BMAL2: variants seen among roughly 807,000 people sequenced by gnomAD.
The protein encoded by BMAL2 is basic helix-loop-helix ARNT-like protein 2.
chr12:27,348,293 T>C, the BMAL2 span, among the ~76,000 whole-genome samples: 3 of 152,332 alleles, frequency 2.0e-5, no homozygotes, highest in South Asian at 6.2e-4. Flanking sequence ...TTCAACATGA[T>C]AGCTTGGTTT....
chr12:27,383,142 A>T, the BMAL2 span, among the ~76,000 whole-genome samples: 3 of 152,178 alleles, frequency 2.0e-5, no homozygotes, highest in Admixed American at 1.3e-4. Context: ...TTGTGGTTCA[A>T]ATCCTGGCTT....
At chr12:27,424,158 A>C in the BMAL2 span, 2 of 152,190 alleles carry the variant, frequency 1.3e-5, no homozygotes, top group African/African-American at 4.8e-5. Context: ...CTCAGATTAT[A>C]TTTCTATTGG....
the BMAL2 span, among the ~76,000 whole-genome samples, chr12:27,401,972 G>A: frequency 2.0e-5 from 3 of 152,130 alleles, no homozygotes; most frequent in Admixed American, 6.5e-5. Flanking sequence ...CAATGCAGAC[G>A]TGGATTTCTA....
At chr12:27,340,294 G>C in the BMAL2 span, among the ~76,000 whole-genome samples, 1 of 152,144 alleles carries the variant, frequency 6.6e-6, no homozygotes, top group African/African-American at 2.4e-5. Flanking sequence ...ATAAGGAAGG[G>C]GTTCAGTTTC....
the BMAL2 span, chr12:27,390,370 AT>A: frequency 9.1e-7 from 1 of 1,100,894 alleles, no homozygotes. Context: ...TAAAAATAAG[AT>A]TTTTTTAAAC....
the BMAL2 span, chr12:27,377,577 T>C: frequency 6.6e-6 from 1 of 152,164 alleles, no homozygotes; most frequent in Non-Finnish European, 1.5e-5. Context: ...AACTACAATA[T>C]TCTTTTAATC....
At chr12:27,407,705 C>A in the BMAL2 span, among the ~76,000 whole-genome samples, 1 of 152,028 alleles carries the variant, frequency 6.6e-6, no homozygotes, top group African/African-American at 2.4e-5. Flanking sequence ...AGAGCAAACA[C>A]ATTCAAAAGC....
chr12:27,384,143 C>T, the BMAL2 span, among the ~76,000 whole-genome samples: 1,623 of 152,262 alleles, frequency 0.011, 29 homozygotes, highest in African/African-American at 0.037. Context: ...CATCCTTGCC[C>T]TGGGGATGGC....
At chr12:27,375,967 A>G in the BMAL2 span, among the ~76,000 whole-genome samples, 2 of 152,238 alleles carry the variant, frequency 1.3e-5, no homozygotes, top group Non-Finnish European at 2.9e-5. Flanking sequence ...TAATACAGCT[A>G]TCATAAAGTT....
chr12:27,420,020 C>CGCGCGCACACACACAG, the BMAL2 span, among the ~76,000 whole-genome samples: 2 of 110 alleles, frequency 0.018, no homozygotes, highest in African/African-American at 0.067. Flanking sequence ...TTTGCGCGTG[C>CGCGCGCACACACACAG]ACACACACAC....
At chr12:27,418,209 T>C in the BMAL2 span, 1 of 1,572,842 alleles carries the variant, frequency 6.4e-7, no homozygotes, top group East Asian at 2.3e-5. Context: ...AAGTTTTCTT[T>C]GGGAACTGCT....
At chr12:27,344,368 T>G in the BMAL2 span, among the ~76,000 whole-genome samples, 1 of 152,168 alleles carries the variant, frequency 6.6e-6, no homozygotes, top group East Asian at 1.9e-4. Context: ...CTAATGATTG[T>G]GTGATGTTTG....
At chr12:27,364,937 G>A in the BMAL2 span, among the ~76,000 whole-genome samples, 1 of 151,764 alleles carries the variant, frequency 6.6e-6, no homozygotes, top group East Asian at 1.9e-4. Flanking sequence ...CTTACTATTT[G>A]TTACTTTGGA....
chr12:27,391,405 A>G, the BMAL2 span, among the ~76,000 whole-genome samples: 1 of 152,186 alleles, frequency 6.6e-6, no homozygotes, highest in East Asian at 1.9e-4. Flanking sequence ...GTATTCCATG[A>G]TTCATACGTA....
the BMAL2 span, among the ~76,000 whole-genome samples, chr12:27,363,032 T>G: frequency 6.6e-6 from 1 of 152,196 alleles, no homozygotes; most frequent in Admixed American, 6.5e-5. Context: ...CTCAAACTTC[T>G]GGCCTTACGT....
At chr12:27,371,685 C>G in the BMAL2 span, among the ~76,000 whole-genome samples, 19 of 150,572 alleles carry the variant, frequency 1.3e-4, no homozygotes, top group African/African-American at 3.7e-4. Flanking sequence ...TGCCTCTGCA[C>G]TTTTTCACTT....
the BMAL2 span, chr12:27,401,769 A>T: frequency 1.6e-5 from 13 of 833,510 alleles, 1 homozygote; most frequent in South Asian, 3.4e-4. Context: ...AAACTGTGTG[A>T]TCCTCTGGCC....
the BMAL2 span, chr12:27,368,259 T>C: frequency 5.6e-6 from 9 of 1,614,030 alleles, no homozygotes; most frequent in Non-Finnish European, 7.6e-6. Context: ...CTGCTGCCCA[T>C]AGGTAAAGTG....
chr12:27,409,301 A>C, the BMAL2 span, among the ~76,000 whole-genome samples: 1 of 152,212 alleles, frequency 6.6e-6, no homozygotes, highest in African/African-American at 2.4e-5. Context: ...ATCCTAAGCC[A>C]AAAGAACAAA....
Sources: gnomAD v4.1 joint callset for allele counts (sites outside exome capture counted in the v4.1 genomes callset) on GRCh38, gnomAD v4.1.1 for gene constraint, MANE v1.5 for transcripts, NCBI Gene and HGNC (gene_info 2026-07-23, HGNC 2026-07-21) for gene names.